SEMA5A: variants seen among roughly 807,000 people sequenced by gnomAD.
The protein encoded by SEMA5A is semaphorin 5A, also known as semaphorin-5A.
Under a neutral mutation model 135.5 loss-of-function variants are expected in SEMA5A, and 55 were observed. The observed-to-expected ratio is 0.41, with a 90% CI of 0.33 to 0.51. The LOEUF (loss-of-function observed/expected upper bound fraction) is 0.51. Among genes scored for constraint, SEMA5A ranks in the 20% least tolerant of loss-of-function variants. SEMA5A has a pLI of 0.37. For missense variants in SEMA5A, 1,290 were observed against 1,419.9 expected (o/e 0.91, Z 1.47); for synonymous variants, 580 against 546.5 (o/e 1.06, Z -0.85).
chr5:9,231,843 C>T (rs1747648357), intron 6 of SEMA5A, among the ~76,000 whole-genome samples: 1 of 152,168 alleles, frequency 6.6e-6, no homozygotes, highest in Admixed American at 6.5e-5. Flanking sequence ...TTCTGATTTT[C>T]CAAGAAGTCA....
chr5:9,232,392 C>A lies in SEMA5A; in HGVS notation c.334-5425G>T, dbSNP rs1456041744. ...TCAGCATCAAAGTGCTGAAGAAGAG[C>A]AATTTACAGGAATTGCATGAGCCTT... On this transcript the variant is annotated intron_variant, in intron 6 of 22. Coordinates refer to ENST00000382496, the MANE Select transcript of SEMA5A (RefSeq NM_003966.3). Among the ~76,000 whole-genome samples the A allele has an allele frequency of 5.3e-5, 8 of 152,260 alleles. No individual in the cohort carries two copies. In the East Asian group the frequency reaches 1.4e-3, roughly 26 times the overall value.
chr5:9,136,216 G>C (rs1327535612), intron 13 of SEMA5A, among the ~76,000 whole-genome samples: 1 of 144,960 alleles, frequency 6.9e-6, no homozygotes, highest in Non-Finnish European at 1.5e-5. Flanking sequence ...AACTCTGGAG[G>C]GGGAAAAAAA....
At position 9,202,227 on chromosome 5, in the gene SEMA5A, C is replaced by T. The variant is rs999537994; in HGVS notation, c.660G>A (p.Val220=). The part of the protein sequence containing the change: ...NSKWLNEPNF[V]SSYDIGNFTY... ...TAAAATTTCCGATGTCATAAGATGA[C>T]ACAAAGTTTGGCTCTGGAAACAATA... Residue 220 remains valine (V), a synonymous_variant, in exon 9 of 23, where the codon GTG becomes GTA. Transcript: ENST00000382496. The T allele has an allele frequency of 1.2e-6, 2 of 1,612,804 alleles. No homozygotes were observed. The highest frequency in any genetic ancestry group is 1.3e-5 in the African/African-American group (1 of 74,902).
chr5:9,303,170 G>T (rs914291966), intron 5 of SEMA5A, among the ~76,000 whole-genome samples: 2 of 149,622 alleles, frequency 1.3e-5, no homozygotes, highest in African/African-American at 2.5e-5. Flanking sequence ...AGGCTAGAGT[G>T]CAGTGGCGCC....
At chr5:9,053,590 C>T (rs1736714362) in intron 19 of SEMA5A, among the ~76,000 whole-genome samples, 1 of 152,120 alleles carries the variant, frequency 6.6e-6, no homozygotes, top group Non-Finnish European at 1.5e-5. Context: ...AGACATGTGG[C>T]TGCACCCAGG....
chr5:9,428,088 G>GTATGTA (rs1677253369), intron 2 of SEMA5A, among the ~76,000 whole-genome samples: 1 of 145,648 alleles, frequency 6.9e-6, no homozygotes, highest in Admixed American at 7.0e-5. Context: ...ATATGTGTGT[G>GTATGTA]TATATATATA....
In SEMA5A at chr5:9,201,023, T is replaced by C. The variant is rs116174685; in HGVS notation, c.932+932A>G. Among the ~76,000 whole-genome samples, 657 of 152,300 alleles carry C rather than the reference T, an allele frequency of 4.3e-3. 5 individuals carry two copies. The highest frequency in any genetic ancestry group is 6.3e-3 in the Non-Finnish European group (431 of 68,024). ...CTCATTTATCAGCACTTCCAACCCA[T>C]CCAGATTTTGATCCTTTACTTTGCA... On this transcript the variant is annotated intron_variant, in intron 9 of 22. Coordinates refer to ENST00000382496, the MANE Select transcript of SEMA5A (RefSeq NM_003966.3).
chr5:9,192,974 T>C (rs982820100), intron 10 of SEMA5A, among the ~76,000 whole-genome samples: 1 of 152,190 alleles, frequency 6.6e-6, no homozygotes, highest in African/African-American at 2.4e-5. Context: ...CAGGGAGTTC[T>C]CGGTGGCAGG....
chr5:9,464,631 G>A (rs1441724640), intron 1 of SEMA5A, among the ~76,000 whole-genome samples: 2 of 152,184 alleles, frequency 1.3e-5, no homozygotes, highest in South Asian at 2.1e-4. Context: ...AAATTCCAAA[G>A]CCCCCGTTGA....
At chr5:9,377,533 C>T (rs956275886) in intron 3 of SEMA5A, among the ~76,000 whole-genome samples, 24 of 148,946 alleles carry the variant, frequency 1.6e-4, no homozygotes, top group Non-Finnish European at 2.2e-4. Context: ...AATATATACG[C>T]GAGGACAAAA....
intron 4 of SEMA5A, among the ~76,000 whole-genome samples, chr5:9,326,550 C>T (rs948249866): frequency 6.6e-6 from 1 of 152,002 alleles, no homozygotes; most frequent in Non-Finnish European, 1.5e-5. Flanking sequence ...GAGGCCGAAG[C>T]AGACAGATCA....
At chr5:9,189,927 C>T (rs1745006895) in intron 11 of SEMA5A, among the ~76,000 whole-genome samples, 1 of 152,200 alleles carries the variant, frequency 6.6e-6, no homozygotes, top group African/African-American at 2.4e-5. Context: ...TTTCACCCAA[C>T]AACATCTTCC....
chr5:9,051,751 G>A, intron 20 of SEMA5A, 122 bp downstream of exon 20: 1 of 1,202,760 alleles, frequency 8.3e-7, no homozygotes, highest in Non-Finnish European at 1.2e-6. Context: ...TGAAACCATG[G>A]GGCTTGATGG....
chr5:9,348,938 A>G (rs1753993362), intron 3 of SEMA5A, among the ~76,000 whole-genome samples: 1 of 152,226 alleles, frequency 6.6e-6, no homozygotes, highest in African/African-American at 2.4e-5. Context: ...CAGCTTTAAG[A>G]CAATAAATCA....
intron 6 of SEMA5A, among the ~76,000 whole-genome samples, chr5:9,227,550 A>AT (rs1417326164): frequency 4.9e-5 from 2 of 40,438 alleles, no homozygotes; most frequent in South Asian, 1.2e-3. Context: ...TATCTATATG[A>AT]ATTTTTTTTT....
At chr5:9,202,269 T>C (rs758863485) in intron 8 of SEMA5A, 29 bp from the exon 9 acceptor site, 1 of 1,602,770 alleles carries the variant, frequency 6.2e-7, no homozygotes, top group Non-Finnish European at 8.5e-7. Context: ...AGGGAAAAAA[T>C]CTCAACATTC....
intron 19 of SEMA5A, 73 bp downstream of exon 19, chr5:9,054,014 A>G (rs1035127695): frequency 2.0e-6 from 3 of 1,502,578 alleles, no homozygotes; most frequent in African/African-American, 2.8e-5. Flanking sequence ...AGTATCATCA[A>G]TTACACCATT....
chr5:9,203,987 G>A (rs1157249967), intron 8 of SEMA5A, among the ~76,000 whole-genome samples: 2 of 151,814 alleles, frequency 1.3e-5, no homozygotes, highest in Admixed American at 1.3e-4. Flanking sequence ...GGGTGGGGGG[G>A]TGTTAAGTCT....
intron 16 of SEMA5A, among the ~76,000 whole-genome samples, chr5:9,099,301 T>C (rs1200988539): frequency 6.6e-6 from 1 of 152,210 alleles, no homozygotes; most frequent in Non-Finnish European, 1.5e-5. Flanking sequence ...AAGCATCCTT[T>C]AACAACATGT....
Sources: allele counts gnomAD v4.1 joint callset (sites outside exome capture counted in the v4.1 genomes callset), GRCh38; gene constraint gnomAD v4.1.1; transcripts MANE v1.5; gene names NCBI Gene and HGNC (gene_info 2026-07-23, HGNC 2026-07-21).